ELP4: variants seen among roughly 807,000 people sequenced by gnomAD.
ELP4 encodes elongator complex protein 4.
ELP4 carries 51 observed loss-of-function variants against 48.9 expected under a neutral mutation model. The observed-to-expected ratio is 1.04, with a 90% CI of 0.83 to 1.32. The LOEUF is 1.32. Among genes scored for constraint, ELP4 ranks in the 40% most tolerant of loss-of-function variants. ELP4 has a pLI of 0.00. For synonymous variants in ELP4, 210 were observed against 189.2 expected, an observed-to-expected ratio of 1.11 and a Z score of -0.90; for missense variants, 519 against 514.6, an observed-to-expected ratio of 1.01 and a Z score of -0.08.
chr11:31,615,403 G>A (rs570861780), intron 5 of ELP4, among the ~76,000 whole-genome samples: 3 of 152,110 alleles, frequency 2.0e-5, no homozygotes, highest in East Asian at 3.9e-4. Flanking sequence ...CAAAGAGATA[G>A]CACTTAGCAT....
At chr11:31,543,146 G>A (rs1266539775) in intron 3 of ELP4, among the ~76,000 whole-genome samples, 1 of 152,216 alleles carries the variant, frequency 6.6e-6, no homozygotes, top group Non-Finnish European at 1.5e-5. Flanking sequence ...TTAGTGAGCT[G>A]TAAGATAACT....
At position 31,721,770 on chromosome 11, in the gene ELP4, G is replaced by A. The variant is rs192044030; in HGVS notation, c.1144-61623G>A. Among the ~76,000 whole-genome samples, 62 of 152,092 alleles carry A rather than the reference G, an allele frequency of 4.1e-4. 1 individual carries two copies. The highest frequency in any genetic ancestry group is 1.3e-3 in the African/African-American group (53 of 41,514). ...GATATTGAACTGAAAAAAACAAAAC[G>A]TTACCAAACTAAAAATGTGTACAAT... On this transcript the variant is annotated intron_variant, in intron 9 of 9. Coordinates refer to ENST00000640961, the MANE Select transcript of ELP4 (RefSeq NM_019040.5).
At position 31,763,753 on chromosome 11, in the gene ELP4, CT is replaced by C. The variant is rs955427510; in HGVS notation, c.1144-19630del. The stretch of plus-strand genomic sequence containing the variant: ...TAGAATTTGGTGTTCAGAATGGTAC[CT>C]TTTTTTTTTAAGCCTTTCTCTAACT... On this transcript the variant is annotated intron_variant, in intron 9 of 9. Coordinates refer to ENST00000640961, the MANE Select transcript of ELP4 (RefSeq NM_019040.5). Among the ~76,000 whole-genome samples the C allele has an allele frequency of 5.9e-3, 880 of 148,308 alleles. 11 individuals carry two copies. Among genetic ancestry groups the C allele is most frequent in the African/African-American group, 0.02 (823 of 40,520 alleles).
intron 5 of ELP4, among the ~76,000 whole-genome samples, chr11:31,615,690 T>C (rs1268409619): frequency 6.6e-6 from 1 of 152,050 alleles, no homozygotes; most frequent in African/African-American, 2.4e-5. Flanking sequence ...GAACAGTGGC[T>C]ATATTTCATG....
At chr11:31,755,812 A>T (rs908507423) in intron 9 of ELP4, among the ~76,000 whole-genome samples, 1 of 152,044 alleles carries the variant, frequency 6.6e-6, no homozygotes, top group African/African-American at 2.4e-5. Context: ...TTACTTATCA[A>T]ATTGGTATGT....
chr11:31,747,998 T>C (rs1947633919), intron 9 of ELP4, among the ~76,000 whole-genome samples: 1 of 152,210 alleles, frequency 6.6e-6, no homozygotes, highest in South Asian at 2.1e-4. Flanking sequence ...CTTAAAATTA[T>C]GTTTGGACTA....
chr11:31,525,250 T>A (rs892071234), intron 2 of ELP4, among the ~76,000 whole-genome samples: 4 of 152,326 alleles, frequency 2.6e-5, no homozygotes, highest in African/African-American at 9.6e-5. Context: ...CTACTAAACT[T>A]ACTTTAGAGT....
At chr11:31,722,697 GTC>G (rs1946993061) in intron 9 of ELP4, among the ~76,000 whole-genome samples, 1 of 90,536 alleles carries the variant, frequency 1.1e-5, no homozygotes, top group Admixed American at 1.1e-4. Flanking sequence ...CTCTCTCTCT[GTC>G]TCTCTCTTTC....
rs182390234 is a variant in ELP4, at chr11:31,625,123, T to C, written c.654-1987T>C. On this transcript the variant is annotated intron_variant, in intron 5 of 9. Transcript: ENST00000640961. Reference sequence around the variant, plus strand: ...AATCATTTATTATTATTATGTACAATACATAATTATATGTGCTGTACTTTT... The same window carrying C: ...AATCATTTATTATTATTATGTACAACACATAATTATATGTGCTGTACTTTT... Among the ~76,000 whole-genome samples, 594 of 151,822 alleles carry C rather than the reference T, an allele frequency of 3.9e-3. 4 individuals are homozygous for C. Among genetic ancestry groups the C allele is most frequent in the African/African-American group, 0.014 (567 of 41,464 alleles).
Position 31,528,659 on chromosome 11 carries a change from A to G in ELP4, c.259+8568A>G, listed in dbSNP as rs376230504. Among the ~76,000 whole-genome samples the G allele has an allele frequency of 1.1e-4, 16 of 152,244 alleles. No individual in the cohort carries two copies. In the East Asian group the frequency reaches 2.9e-3, roughly 28 times the overall value. On this transcript the variant is annotated intron_variant, in intron 2 of 9. Coordinates refer to ENST00000640961, the MANE Select transcript of ELP4 (RefSeq NM_019040.5). ...TACATGTGTAGGTGATGAAGGAGAGACAGAAAGTAGGATGATTCCCAGATT... is the reference window on the plus strand; with the variant it reads ...TACATGTGTAGGTGATGAAGGAGAGGCAGAAAGTAGGATGATTCCCAGATT...
intron 7 of ELP4, among the ~76,000 whole-genome samples, chr11:31,640,223 A>G (rs1422272111): frequency 6.6e-6 from 1 of 152,130 alleles, no homozygotes; most frequent in African/African-American, 2.4e-5. Flanking sequence ...ATAGAAAACA[A>G]GTACAACTTT....
chr11:31,509,769 C>T lies in ELP4; in HGVS notation c.-16C>T, dbSNP rs1047365262. On this transcript the variant is annotated 5_prime_UTR_variant, in exon 1 of 10. Transcript: ENST00000640961. Reference sequence around the variant, plus strand: ...GTTCCCAGAGTTCCTATTGGGTTAACACTGGAGGCTCTAAGATGGCGGCAG... The same window carrying T: ...GTTCCCAGAGTTCCTATTGGGTTAATACTGGAGGCTCTAAGATGGCGGCAG... The T allele has an allele frequency of 6.2e-7, 1 of 1,613,250 alleles. No individual in the cohort carries two copies. Among genetic ancestry groups the T allele is most frequent in the Non-Finnish European group, 8.5e-7 (1 of 1,179,680 alleles).
intron 2 of ELP4, among the ~76,000 whole-genome samples, chr11:31,530,613 A>C (rs1465380125): frequency 6.6e-6 from 1 of 152,180 alleles, no homozygotes; most frequent in Non-Finnish European, 1.5e-5. Flanking sequence ...TTTTGTATTA[A>C]GAAAAAAATG....
intron 3 of ELP4, among the ~76,000 whole-genome samples, chr11:31,544,127 A>G (rs1956645674): frequency 6.6e-6 from 1 of 152,220 alleles, no homozygotes; most frequent in South Asian, 2.1e-4. Flanking sequence ...TCATCTCACT[A>G]GGGAGTGCCA....
intron 4 of ELP4, chr11:31,598,909 G>A (rs1189659502): frequency 6.6e-6 from 1 of 151,888 alleles, no homozygotes; most frequent in Non-Finnish European, 1.5e-5. Flanking sequence ...CATTTTCTTA[G>A]GTCTCTACTA....
chr11:31,669,503 T>C (rs6484526), intron 9 of ELP4, among the ~76,000 whole-genome samples: 96,586 of 152,058 alleles, frequency 0.64, 33,140 homozygotes, highest in Non-Finnish European at 0.76. Context: ...TCTTCAAGAC[T>C]AGGTTAGATA....
intron 1 of ELP4, chr11:31,510,348 A>C: frequency 2.1e-6 from 1 of 474,812 alleles, no homozygotes; most frequent in Non-Finnish European, 3.8e-6. Flanking sequence ...CATTCAGGAT[A>C]CCTCCCTTCT....
At chr11:31,517,672 A>G (rs549528960) in intron 1 of ELP4, among the ~76,000 whole-genome samples, 144 of 151,982 alleles carry the variant, frequency 9.5e-4, no homozygotes, top group African/African-American at 3.0e-3. Context: ...GCTGGAGTGC[A>G]GTGGCGCGAT....
intron 9 of ELP4, among the ~76,000 whole-genome samples, chr11:31,769,951 T>C (rs1948103708): frequency 6.6e-6 from 1 of 152,164 alleles, no homozygotes; most frequent in South Asian, 2.1e-4. Flanking sequence ...AAAATATTGC[T>C]CCTTAAATGT....
Sources: allele counts gnomAD v4.1 joint callset (sites outside exome capture counted in the v4.1 genomes callset), GRCh38; gene constraint gnomAD v4.1.1; transcripts MANE v1.5; gene names NCBI Gene and HGNC (gene_info 2026-07-23, HGNC 2026-07-21).